Variants in DYNC1LI1 observed in about 807,000 individuals in gnomAD.
DYNC1LI1 encodes cytoplasmic dynein 1 light intermediate chain 1.
In DYNC1LI1, 19 loss-of-function variants were observed where a neutral mutation model predicts 63.8. The observed-to-expected ratio is 0.30, with a 90% confidence interval of 0.21 to 0.44. The LOEUF (loss-of-function observed/expected upper bound fraction) is 0.44. Among genes scored for constraint, DYNC1LI1 ranks in the 20% least tolerant of loss-of-function variants. The probability of loss-of-function intolerance (pLI) is 1.00; values close to 1 mark genes in which losing one functional copy is unlikely to be tolerated. For missense variants in DYNC1LI1, 565 were observed against 630.2 expected (o/e 0.90, Z 1.11); for synonymous variants, 225 against 232.3 (o/e 0.97, Z 0.28).
At chr3:32,537,978 ATATAAT>A (rs1559436351) in intron 5 of DYNC1LI1, among the ~76,000 whole-genome samples, 1 of 46,260 alleles carries the variant, frequency 2.2e-5, no homozygotes, top group African/African-American at 1.1e-4. Context: ...ATATATTTAT[ATATAAT>A]ATATATATAT....
chr3:32,550,451 A>C (rs1275908447), intron 2 of DYNC1LI1, among the ~76,000 whole-genome samples: 3 of 152,196 alleles, frequency 2.0e-5, no homozygotes, highest in African/African-American at 7.2e-5. Flanking sequence ...AAACAAAAAA[A>C]CAAAACTGTC....
intron 2 of DYNC1LI1, among the ~76,000 whole-genome samples, chr3:32,558,403 T>TTAA (rs1369929115): frequency 1.0e-4 from 9 of 90,386 alleles, no homozygotes; most frequent in African/African-American, 4.1e-4. Flanking sequence ...TTTAAAAATG[T>TTAA]AAAAAAAAAA....
chr3:32,540,129 A>G (rs937592373), intron 5 of DYNC1LI1, among the ~76,000 whole-genome samples: 2 of 151,702 alleles, frequency 1.3e-5, no homozygotes, highest in African/African-American at 4.8e-5. Context: ...TCAGCCTCCC[A>G]AAGTGCTGGG....
intron 2 of DYNC1LI1, among the ~76,000 whole-genome samples, chr3:32,562,006 C>T (rs867195628): frequency 1.3e-5 from 2 of 152,032 alleles, no homozygotes; most frequent in East Asian, 1.9e-4. Flanking sequence ...TGTTAATAGA[C>T]GCTCATACCT....
Position 32,570,668 on chromosome 3 carries a change from C to T in DYNC1LI1, c.103G>A (p.Gly35Ser), listed in dbSNP as rs1469660344. ...PLGNEIASGN[G>S]GAAAGDDEDG... ...TCGTCGTCGCCTGCCGCGGCGCCAC[C>T]GTTGCCCGACGCTATCTCGTTGCCC... The change falls in exon 1 of 13, where the codon GGT (glycine) becomes AGT (serine). Residue 35 changes from glycine (G) to serine (S), a missense_variant. By Grantham distance (56) the Gly-to-Ser change is moderately conservative. Transcript: ENST00000273130. 2 of 1,601,848 alleles carry T rather than the reference C, an allele frequency of 1.2e-6. No homozygotes were observed. Among genetic ancestry groups the T allele is most frequent in the East Asian group, 4.5e-5 (2 of 44,150 alleles).
chr3:32,529,538 A>G lies in DYNC1LI1; in HGVS notation c.1306+2T>C. ...CTTGTTATCTCCTAGAAAGAGATGTACCTTTCATGTTTGGATCAATTTTTT... is the reference window on the plus strand; with the variant it reads ...CTTGTTATCTCCTAGAAAGAGATGTGCCTTTCATGTTTGGATCAATTTTTT... On this transcript the variant is annotated splice_donor_variant, in intron 11 of 12. Coordinates refer to ENST00000273130, the MANE Select transcript of DYNC1LI1 (RefSeq NM_016141.4). LOFTEE classifies it high-confidence loss of function. 1 of 1,604,306 alleles carries G rather than the reference A, an allele frequency of 6.2e-7. No individual in the cohort carries two copies. The highest frequency in any genetic ancestry group is 8.5e-7 in the Non-Finnish European group (1 of 1,174,920).
At chr3:32,557,422 T>C (rs1182087818) in intron 2 of DYNC1LI1, among the ~76,000 whole-genome samples, 1 of 151,856 alleles carries the variant, frequency 6.6e-6, no homozygotes, top group Non-Finnish European at 1.5e-5. Flanking sequence ...CTCGAGAGGC[T>C]GAGGCAGGAG....
At chr3:32,545,216 G>A (rs1697936699) in intron 3 of DYNC1LI1, 110 bp from the exon 4 acceptor site, 4 of 725,470 alleles carry the variant, frequency 5.5e-6, no homozygotes, top group Admixed American at 2.7e-5. Context: ...ATGTGCTATT[G>A]GCTTTGACAA....
At position 32,545,000 on chromosome 3, in the gene DYNC1LI1, C is replaced by A; in HGVS notation, c.444G>T (p.Leu148=). Residue 148 remains leucine (L), a synonymous_variant, in exon 4 of 13, where the codon CTG becomes CTT. Transcript: ENST00000273130. ...TCCAAGGCTTTGACATGTCAACAAC[C>A]AGCATAACTAGAGTATCCTTCAGAG... ...AVSLKDTLVM[L]VVDMSKPWTA... The A allele has an allele frequency of 6.2e-7, 1 of 1,614,010 alleles. No individual in the cohort carries two copies. Among genetic ancestry groups the A allele is most frequent in the Non-Finnish European group, 8.5e-7 (1 of 1,179,932 alleles).
chr3:32,554,378 CAT>C (rs1341839750), intron 2 of DYNC1LI1, among the ~76,000 whole-genome samples: 2 of 152,156 alleles, frequency 1.3e-5, no homozygotes, highest in Non-Finnish European at 2.9e-5. Flanking sequence ...GTATGTTAAA[CAT>C]AGTAGTTTCA....
In DYNC1LI1 at chr3:32,544,207, C is replaced by A. The variant is rs183645318; in HGVS notation, c.568+669G>T. ...ATAAATCATAAAACCATTTTAATAT[C>A]TTTATATGTATACTGTCAACATCTT... On this transcript the variant is annotated intron_variant, in intron 4 of 12. Transcript: ENST00000273130. Among the ~76,000 whole-genome samples the A allele has an allele frequency of 1.2e-4, 18 of 152,258 alleles. No individual in the cohort carries two copies. In the East Asian group the frequency reaches 3.3e-3, roughly 28 times the overall value.
intron 2 of DYNC1LI1, among the ~76,000 whole-genome samples, chr3:32,550,986 A>C (rs1256949392): frequency 1.3e-5 from 2 of 151,766 alleles, no homozygotes; most frequent in Non-Finnish European, 2.9e-5. Context: ...GTGTAAAAAA[A>C]ATTTTAACAG....
chr3:32,533,185 A>C (rs571962538), intron 7 of DYNC1LI1, 88 bp from the exon 8 acceptor site: 1 of 1,422,466 alleles, frequency 7.0e-7, no homozygotes, highest in African/African-American at 1.5e-5. Flanking sequence ...GAATACTTTC[A>C]TGAAGTCAAT....
chr3:32,537,490 C>A (rs542059326), intron 5 of DYNC1LI1, among the ~76,000 whole-genome samples: 3 of 152,156 alleles, frequency 2.0e-5, no homozygotes, highest in African/African-American at 7.2e-5. Flanking sequence ...TTATAAAACA[C>A]TTCTGCATAT....
rs1697676094 is a variant in DYNC1LI1, at chr3:32,530,165, T to C, written c.1185+119A>G. 6.0e-6 allele frequency: 5 copies of C among 830,210 alleles called. No individual in the cohort carries two copies. In the South Asian group the frequency reaches 1.0e-4, roughly 17 times the overall value. 51.4% of individuals were successfully genotyped at this position (830,210 alleles called of 1,614,324 possible). On this transcript the variant is annotated intron_variant, in intron 10 of 12. Transcript: ENST00000273130. The stretch of plus-strand genomic sequence containing the variant: ...TAAAATCTCACAAATTACAGAAGAA[T>C]TCTGAATTCAAGTTTATATCAAAGC...
chr3:32,540,982 C>T lies in DYNC1LI1; in HGVS notation c.738+55G>A, dbSNP rs1181658726. On this transcript the variant is annotated intron_variant, in intron 5 of 12. Coordinates refer to ENST00000273130, the MANE Select transcript of DYNC1LI1 (RefSeq NM_016141.4). Reference sequence around the variant, plus strand: ...ACTCCAAAAAACCTGGAAAACAAAACAGTTGTTCATCCTCAGTGAATATCA... The same window carrying T: ...ACTCCAAAAAACCTGGAAAACAAAATAGTTGTTCATCCTCAGTGAATATCA... 3 of 1,387,316 alleles carry T rather than the reference C, an allele frequency of 2.2e-6. No homozygotes were observed. The African/African-American group carries it at 4.4e-5, about 20-fold the overall frequency. The allele number at this position is 1,387,316 out of a possible 1,614,324, so 85.9% of individuals were successfully genotyped here. A position where few individuals can be genotyped will look rare whatever the true frequency, so the allele number is the denominator to read the frequency against.
At chr3:32,546,047 C>T (rs1295460391) in intron 2 of DYNC1LI1, 82 bp from the exon 3 acceptor site, 1 of 903,846 alleles carries the variant, frequency 1.1e-6, no homozygotes, top group South Asian at 1.6e-5. Flanking sequence ...AGTGAAAAAC[C>T]CAACTGGAAC....
chr3:32,570,296 C>G (rs978548604), intron 2 of DYNC1LI1, 50 bp downstream of exon 2: 1 of 1,470,672 alleles, frequency 6.8e-7, no homozygotes, highest in South Asian at 1.2e-5. Flanking sequence ...GACCAGGTAC[C>G]CCGGGCCGCT....
At chr3:32,552,059 TC>T (rs1414357190) in intron 2 of DYNC1LI1, among the ~76,000 whole-genome samples, 3 of 152,204 alleles carry the variant, frequency 2.0e-5, no homozygotes, top group Non-Finnish European at 4.4e-5. Flanking sequence ...ATTATCATCA[TC>T]TTGCCACTTC....
Sources: gnomAD v4.1 joint callset for allele counts (sites outside exome capture counted in the v4.1 genomes callset) on GRCh38, gnomAD v4.1.1 for gene constraint, MANE v1.5 for transcripts, NCBI Gene and HGNC (gene_info 2026-07-23, HGNC 2026-07-21) for gene names.